The following MECOM variants were observed in gnomAD, a reference collection of about 807,000 sequenced individuals.
MECOM encodes histone-lysine N-methyltransferase MECOM.
Under a neutral mutation model 116.3 loss-of-function variants are expected in MECOM, and 13 were observed. That is an observed-to-expected ratio of 0.11 (90% CI 0.07 to 0.18). The LOEUF is 0.18. Among genes scored for constraint, MECOM ranks in the 10% least tolerant of loss-of-function variants. The pLI, the probability that MECOM is intolerant of heterozygous loss-of-function variation, is 1.00. For synonymous variants in MECOM, 528 were observed against 535.2 expected, an observed-to-expected ratio of 0.99 and a Z score of 0.19; for missense variants, 1,299 against 1,509.0, an observed-to-expected ratio of 0.86 and a Z score of 2.31.
At chr3:169,307,022 A>G (rs551486298) in intron 2 of MECOM, among the ~76,000 whole-genome samples, 1 of 152,332 alleles carries the variant, frequency 6.6e-6, no homozygotes, top group Non-Finnish European at 1.5e-5. Flanking sequence ...TTTAACAGCC[A>G]TGCCAAGTTT....
chr3:169,170,014 A>T (rs968349707), intron 2 of MECOM, among the ~76,000 whole-genome samples: 2 of 152,208 alleles, frequency 1.3e-5, no homozygotes, highest in Non-Finnish European at 2.9e-5. Context: ...TATTTCATAT[A>T]CATGCCTACA....
intron 1 of MECOM, among the ~76,000 whole-genome samples, chr3:169,634,955 G>A (rs771389605): frequency 5.3e-5 from 8 of 151,782 alleles, no homozygotes; most frequent in South Asian, 2.1e-4. Context: ...CTGTTGGGTC[G>A]TTCCAAGCAG....
intron 2 of MECOM, among the ~76,000 whole-genome samples, chr3:169,177,321 A>T (rs996789503): frequency 2.6e-5 from 4 of 152,208 alleles, no homozygotes; most frequent in African/African-American, 9.7e-5. Context: ...TTGCAGGGAC[A>T]TGGATGAAGC....
At chr3:169,643,278 A>G (rs79416112) in intron 1 of MECOM, among the ~76,000 whole-genome samples, 3,230 of 152,300 alleles carry the variant, frequency 0.021, 116 homozygotes, top group African/African-American at 0.073. Context: ...TCAGTCATCA[A>G]TCTGATTTTG....
chr3:169,186,255 G>T (rs907181162), intron 2 of MECOM, among the ~76,000 whole-genome samples: 1 of 150,900 alleles, frequency 6.6e-6, no homozygotes, highest in African/African-American at 2.4e-5. Context: ...AAACATTTGA[G>T]AAATAAGGGA....
chr3:169,138,338 G>A (rs1295128186), intron 3 of MECOM, among the ~76,000 whole-genome samples: 1 of 152,138 alleles, frequency 6.6e-6, no homozygotes, highest in Non-Finnish European at 1.5e-5. Context: ...CTAGCGTTAT[G>A]TCAGTGTTGC....
chr3:169,150,045 C>A (rs1740954176), intron 2 of MECOM, among the ~76,000 whole-genome samples: 2 of 150,102 alleles, frequency 1.3e-5, no homozygotes, highest in Non-Finnish European at 3.0e-5. Context: ...TCCCTTTCTC[C>A]TTTAGGTATA....
At chr3:169,129,041 C>A (rs957680123) in intron 4 of MECOM, among the ~76,000 whole-genome samples, 7 of 152,276 alleles carry the variant, frequency 4.6e-5, no homozygotes, top group South Asian at 2.1e-4. Context: ...AGATGTTACT[C>A]TTCAATTGTT....
At chr3:169,464,909 C>T (rs997226707) in intron 1 of MECOM, among the ~76,000 whole-genome samples, 3 of 152,028 alleles carry the variant, frequency 2.0e-5, no homozygotes, top group Non-Finnish European at 2.9e-5. Flanking sequence ...CTGATTTTCT[C>T]TCCTTACTGT....
intron 2 of MECOM, chr3:169,146,969 T>C (rs1740120498): frequency 1.0e-6 from 1 of 998,036 alleles, no homozygotes; most frequent in Non-Finnish European, 1.2e-6. Flanking sequence ...ACCACGCGTT[T>C]CGGATTTATT....
chr3:169,104,274 T>C (rs1724594034), intron 10 of MECOM, among the ~76,000 whole-genome samples: 1 of 152,220 alleles, frequency 6.6e-6, no homozygotes, highest in African/African-American at 2.4e-5. Flanking sequence ...TATTCCCTTC[T>C]AGACAGAGCA....
At chr3:169,494,952 G>A (rs1489446141) in intron 1 of MECOM, among the ~76,000 whole-genome samples, 4 of 152,182 alleles carry the variant, frequency 2.6e-5, no homozygotes, top group African/African-American at 7.2e-5. Context: ...GAGGAGAATC[G>A]TGTTTGAAAT....
At chr3:169,237,473 C>T (rs1754207574) in intron 2 of MECOM, among the ~76,000 whole-genome samples, 1 of 152,018 alleles carries the variant, frequency 6.6e-6, no homozygotes, top group African/African-American at 2.4e-5. Flanking sequence ...TTCTCCACTA[C>T]AGTTTTATTA....
intron 3 of MECOM, among the ~76,000 whole-genome samples, chr3:169,133,053 A>G (rs1735263186): frequency 6.6e-6 from 1 of 151,980 alleles, no homozygotes; most frequent in African/African-American, 2.4e-5. Context: ...CACCCAGCCC[A>G]GAATCAATCT....
At chr3:169,640,647 C>G (rs999826096) in intron 1 of MECOM, among the ~76,000 whole-genome samples, 1 of 152,184 alleles carries the variant, frequency 6.6e-6, no homozygotes, top group Non-Finnish European at 1.5e-5. Flanking sequence ...AAGCACAGTA[C>G]AAATATGACG....
intron 1 of MECOM, among the ~76,000 whole-genome samples, chr3:169,426,118 T>C (rs1740632148): frequency 6.6e-6 from 1 of 151,770 alleles, no homozygotes; most frequent in African/African-American, 2.4e-5. Flanking sequence ...GCAGCCATTA[T>C]CTAGTAAAAA....
intron 2 of MECOM, among the ~76,000 whole-genome samples, chr3:169,366,589 G>A (rs75734881): frequency 0.011 from 1,619 of 152,082 alleles, 11 homozygotes; most frequent in East Asian, 0.044. Context: ...GTAGTGTTGC[G>A]AGACCAACAA....
intron 2 of MECOM, among the ~76,000 whole-genome samples, chr3:169,335,793 T>C (rs1177526133): frequency 6.6e-6 from 1 of 152,164 alleles, no homozygotes; most frequent in African/African-American, 2.4e-5. Context: ...GGGTAATTCA[T>C]GCTTGCATTT....
chr3:169,402,087 C>T (rs946194688), intron 1 of MECOM, among the ~76,000 whole-genome samples: 1 of 152,072 alleles, frequency 6.6e-6, no homozygotes, highest in Non-Finnish European at 1.5e-5. Context: ...GGCTGTGATG[C>T]TGGAGGATGA....
Sources: allele counts gnomAD v4.1 joint callset (sites outside exome capture counted in the v4.1 genomes callset), GRCh38; gene constraint gnomAD v4.1.1; transcripts MANE v1.5; gene names NCBI Gene and HGNC (gene_info 2026-07-23, HGNC 2026-07-21).